The following ZNF782 variants were observed in gnomAD, a reference collection of about 807,000 sequenced individuals.
The protein encoded by ZNF782 is zinc finger protein 782.
A neutral mutation model predicts 13.0 loss-of-function variants in ZNF782; 12 were observed. That is an observed-to-expected ratio of 0.92 (90% CI 0.59 to 1.50). The LOEUF (loss-of-function observed/expected upper bound fraction) is 1.50. ZNF782 is among the 40% of genes most tolerant of loss of function. The probability of loss-of-function intolerance (pLI) is 0.00; values close to 1 mark genes in which losing one functional copy is unlikely to be tolerated. For missense variants in ZNF782, 770 were observed against 822.9 expected (o/e 0.94, Z 0.79); for synonymous variants, 284 against 283.0 (o/e 1.00, Z -0.04).
upstream of ZNF782, among the ~76,000 whole-genome samples, chr9:96,876,390 T>C (rs1270386182): frequency 2.0e-5 from 3 of 152,244 alleles, no homozygotes; most frequent in Non-Finnish European, 1.5e-5. Flanking sequence ...ATCAAGGACA[T>C]GCATGGCTAT....
In ZNF782 at chr9:96,866,134, C is replaced by A. The variant is rs1359215569; in HGVS notation, c.-456-4531G>T. Among the ~76,000 whole-genome samples, 4 of 152,148 alleles carry A rather than the reference C, an allele frequency of 2.6e-5. No individual in the cohort carries two copies. In the South Asian group the frequency reaches 6.2e-4, roughly 24 times the overall value. Reference sequence around the variant, plus strand: ...GAAATTTGCATAAGTAATGAGGAGCCAAATGTAAGTCACCAAGACAACAGG... The same window carrying A: ...GAAATTTGCATAAGTAATGAGGAGCAAAATGTAAGTCACCAAGACAACAGG... On this transcript the variant is annotated intron_variant, in intron 1 of 5. Coordinates refer to the ZNF782 transcript ENST00000498811.
chr9:96,877,590 T>A (rs146180648), upstream of ZNF782, among the ~76,000 whole-genome samples: 442 of 152,356 alleles, frequency 2.9e-3, 2 homozygotes, highest in Non-Finnish European at 5.1e-3. Flanking sequence ...GAGCGCGTCC[T>A]CAGGCTTCGC....
intron 1 of ZNF782, among the ~76,000 whole-genome samples, chr9:96,869,159 C>G (rs1851795244): frequency 1.3e-5 from 2 of 151,888 alleles, no homozygotes; most frequent in South Asian, 4.1e-4. Flanking sequence ...AAATGAAAAG[C>G]TTCAAAATTA....
chr9:96,875,972 C>T (rs747275709), upstream of ZNF782, among the ~76,000 whole-genome samples: 15 of 152,188 alleles, frequency 9.9e-5, no homozygotes, highest in Admixed American at 7.9e-4. Context: ...TTCCCAGAAA[C>T]CTCCACGCCA....
chr9:96,907,865 T>C, the ZNF782 span, among the ~76,000 whole-genome samples: 5 of 151,856 alleles, frequency 3.3e-5, no homozygotes, highest in South Asian at 2.1e-4. Context: ...GGTCTCGAAC[T>C]CTTGACCTCA....
the ZNF782 span, among the ~76,000 whole-genome samples, chr9:96,903,712 G>A: frequency 3.3e-5 from 5 of 151,286 alleles, no homozygotes; most frequent in East Asian, 3.9e-4. Context: ...ACAGGCGCCC[G>A]CCACCACACC....
chr9:96,820,398 A>G (rs767241789), intron 5 of ZNF782, among the ~76,000 whole-genome samples: 1 of 152,186 alleles, frequency 6.6e-6, no homozygotes, highest in Non-Finnish European at 1.5e-5. Context: ...TTCTGTCTGC[A>G]TTATCATCAA....
chr9:96,886,457 C>T, the ZNF782 span, among the ~76,000 whole-genome samples: 10 of 152,078 alleles, frequency 6.6e-5, no homozygotes, highest in Admixed American at 5.2e-4. Context: ...GGAAATGCCA[C>T]AGAAATTTTA....
Position 96,818,633 on chromosome 9 carries a change from T to C in ZNF782, c.1390A>G (p.Ile464Val), listed in dbSNP as rs371410862. 67 of 1,612,972 alleles carry C rather than the reference T, an allele frequency of 4.2e-5. No individual in the cohort carries two copies. The highest frequency in any genetic ancestry group is 4.7e-5 in the Non-Finnish European group (55 of 1,179,736). The change falls in exon 6 of 6, where the codon ATC becomes GTC. Residue 464 changes from isoleucine to valine, a missense_variant. Ile to Val is a conservative substitution (Grantham distance 29, BLOSUM62 3). Transcript: ENST00000481138. The stretch of plus-strand genomic sequence containing the variant: ...TGAGTTCTCTGATGCACTATGAGGA[T>C]TGACTTATAGTTAAAAGATTTCCCA... ...ECGKSFNYKS[I>V]LIVHQRTHTG...
chr9:96,912,196 T>A, the ZNF782 span, among the ~76,000 whole-genome samples: 2 of 97,452 alleles, frequency 2.1e-5, no homozygotes, highest in Non-Finnish European at 3.8e-5. Context: ...AAACTCCGTC[T>A]CGAAAAAAAA....
intron 3 of ZNF782, among the ~76,000 whole-genome samples, chr9:96,859,980 G>A (rs1056423454): frequency 6.6e-6 from 1 of 152,156 alleles, no homozygotes; most frequent in African/African-American, 2.4e-5. Context: ...GTGGTGAGCT[G>A]GCAGTAATCC....
At chr9:96,836,190 A>G (rs1287986618) in intron 4 of ZNF782, among the ~76,000 whole-genome samples, 1 of 148,540 alleles carries the variant, frequency 6.7e-6, no homozygotes, top group Non-Finnish European at 1.5e-5. Flanking sequence ...CTATTCCACC[A>G]TTGTATCTTG....
rs1850304372 is a variant in ZNF782, at chr9:96,819,095, C to G, written c.928G>C (p.Val310Leu). 1 of 1,613,938 alleles carries G rather than the reference C, an allele frequency of 6.2e-7. No homozygotes were observed. Among genetic ancestry groups the G allele is most frequent in the Non-Finnish European group, 8.5e-7 (1 of 1,180,034 alleles). ...IREHHRVHIG[V>L]KPFEYGKSFN... is the part of the protein sequence containing the mutation. ...CTTTTTCCATATTCAAAGGGTTTCA[C>G]CCCTATATGAACTCTATGATGTTCT... Residue 310 changes from valine to leucine, a missense_variant, in exon 6 of 6, where the codon GTG becomes CTG. Physicochemically the swap from Val to Leu is conservative, Grantham distance 32. Coordinates refer to ENST00000481138, the MANE Select transcript of ZNF782 (RefSeq NM_001001662.3).
chr9:96,833,739 C>A (rs1850886241), intron 4 of ZNF782, among the ~76,000 whole-genome samples: 1 of 152,204 alleles, frequency 6.6e-6, no homozygotes, highest in Admixed American at 6.5e-5. Context: ...GAGAATTATG[C>A]TCCACTTCCT....
intron 5 of ZNF782, among the ~76,000 whole-genome samples, chr9:96,822,071 A>G (rs909423285): frequency 2.0e-5 from 3 of 152,192 alleles, no homozygotes; most frequent in African/African-American, 7.2e-5. Context: ...TGTAATTTAT[A>G]TGAAGACAGT....
At chr9:96,913,548 C>G in the ZNF782 span, among the ~76,000 whole-genome samples, 7 of 150,750 alleles carry the variant, frequency 4.6e-5, no homozygotes, top group African/African-American at 9.7e-5. Flanking sequence ...GGGGACGGAG[C>G]CTTGCTCTGA....
the ZNF782 span, chr9:96,903,192 CATGCTGCTCCCTT>C: frequency 1.3e-5 from 2 of 151,998 alleles, no homozygotes; most frequent in African/African-American, 4.9e-5. Context: ...GAAACTCCCT[CATGCTGCTCCCTT>C]AAGGCCACAT....
chr9:96,930,827 T>C, the ZNF782 span, among the ~76,000 whole-genome samples: 1 of 149,952 alleles, frequency 6.7e-6, no homozygotes, highest in African/African-American at 2.5e-5. Context: ...ATGGGTTATC[T>C]TCAGGGTTCC....
chr9:96,884,375 C>G, the ZNF782 span, among the ~76,000 whole-genome samples: 1 of 152,224 alleles, frequency 6.6e-6, no homozygotes, highest in Non-Finnish European at 1.5e-5. Context: ...CCATTGGGTG[C>G]TGACCCTTCA....
Sources: gnomAD v4.1 joint callset for allele counts (sites outside exome capture counted in the v4.1 genomes callset) on GRCh38, gnomAD v4.1.1 for gene constraint, MANE v1.5 for transcripts, NCBI Gene and HGNC (gene_info 2026-07-23, HGNC 2026-07-21) for gene names.